The following TMEM135 variants were observed in gnomAD, a reference collection of about 807,000 sequenced individuals.
The protein encoded by TMEM135 is peroxisomal membrane protein 52.
In TMEM135, 30 loss-of-function variants were observed where a neutral mutation model predicts 60.3. That is an observed-to-expected ratio of 0.50 (90% CI 0.37 to 0.68). The LOEUF (loss-of-function observed/expected upper bound fraction) is 0.68, where lower values mean the gene tolerates loss of function less well. Ranked by LOEUF, TMEM135 falls within the 30% of genes least tolerant of loss-of-function variation. The pLI, the probability that TMEM135 is intolerant of heterozygous loss-of-function variation, is 0.00. For missense variants in TMEM135, 468 were observed against 548.8 expected, an observed-to-expected ratio of 0.85 and a Z score of 1.47; for synonymous variants, 190 against 186.7, an observed-to-expected ratio of 1.02 and a Z score of -0.14.
chr11:87,185,387 A>G, intron 5 of TMEM135, among the ~76,000 whole-genome samples: 1 of 152,084 alleles, frequency 6.6e-6, no homozygotes, highest in Middle Eastern at 3.2e-3. Flanking sequence ...TATTGAAGAA[A>G]CCAGACCGTA....
At chr11:87,195,452 G>C (rs1434750056) in intron 5 of TMEM135, among the ~76,000 whole-genome samples, 1 of 147,412 alleles carries the variant, frequency 6.8e-6, no homozygotes, top group African/African-American at 2.5e-5. Context: ...TTGAGACGGA[G>C]TTTTACTCTT....
chr11:87,073,118 C>G (rs1364876801), intron 3 of TMEM135, among the ~76,000 whole-genome samples: 1 of 152,072 alleles, frequency 6.6e-6, no homozygotes, highest in Non-Finnish European at 1.5e-5. Context: ...TCACTGAAAC[C>G]TCCTACTCCC....
chr11:87,280,245 A>G lies in TMEM135; in HGVS notation c.510-15537A>G, dbSNP rs571579873. On this transcript the variant is annotated intron_variant, in intron 6 of 14. Transcript: ENST00000305494. ...TAAACAAATAGTACCAAATGAGATTATAATTTAAAAATAAACAATGGAGTG... is the reference window on the plus strand; with the variant it reads ...TAAACAAATAGTACCAAATGAGATTGTAATTTAAAAATAAACAATGGAGTG... Among the ~76,000 whole-genome samples, 5 of 152,370 alleles carry G rather than the reference A, an allele frequency of 3.3e-5. No individual in the cohort carries two copies. In the South Asian group the frequency reaches 1.0e-3, roughly 32 times the overall value.
chr11:87,050,362 A>C (rs1330513136), intron 1 of TMEM135, among the ~76,000 whole-genome samples: 1 of 52,756 alleles, frequency 1.9e-5, no homozygotes, highest in Non-Finnish European at 3.0e-5. Context: ...CCTTCAAAAA[A>C]TCAATGAATC....
At position 87,322,861 on chromosome 11, in the gene TMEM135, T is replaced by C. The variant is rs1208101544; in HGVS notation, c.*1528T>C. 1 of 454,332 alleles carries C rather than the reference T, an allele frequency of 2.2e-6. No individual in the cohort carries two copies. Among genetic ancestry groups the C allele is most frequent in the African/African-American group, 2.0e-5 (1 of 50,006 alleles). The allele number at this position is 454,332 out of a possible 1,614,324, so 28.1% of individuals were successfully genotyped here. On this transcript the variant is annotated 3_prime_UTR_variant, in exon 15 of 15. Transcript: ENST00000305494. ...TCAAAATTTGGCATTATGATTAGCTTTGTAGAACTGACCTGTTTATTTGGC... is the reference window on the plus strand; with the variant it reads ...TCAAAATTTGGCATTATGATTAGCTCTGTAGAACTGACCTGTTTATTTGGC...
intron 6 of TMEM135, among the ~76,000 whole-genome samples, chr11:87,293,412 G>A (rs1026997330): frequency 1.4e-5 from 2 of 145,920 alleles, no homozygotes; most frequent in African/African-American, 5.1e-5. Flanking sequence ...AACAAAAAAC[G>A]AGATACATGT....
At chr11:87,257,076 G>T (rs1156247514) in intron 6 of TMEM135, among the ~76,000 whole-genome samples, 1 of 152,116 alleles carries the variant, frequency 6.6e-6, no homozygotes, top group Non-Finnish European at 1.5e-5. Context: ...TAAGAAACTG[G>T]TGATAACTCT....
chr11:87,161,711 A>G (rs1018522709), intron 5 of TMEM135, among the ~76,000 whole-genome samples: 25 of 152,134 alleles, frequency 1.6e-4, no homozygotes, highest in African/African-American at 5.3e-4. Context: ...CAGTGAGTTG[A>G]TTTGTCTATT....
intron 5 of TMEM135, among the ~76,000 whole-genome samples, chr11:87,180,879 A>G (rs1276952608): frequency 6.6e-6 from 1 of 152,198 alleles, no homozygotes; most frequent in Non-Finnish European, 1.5e-5. Context: ...GCAATATTCA[A>G]AGTCTCCCTC....
At chr11:87,245,268 C>A (rs1565500123) in intron 6 of TMEM135, among the ~76,000 whole-genome samples, 2 of 149,760 alleles carry the variant, frequency 1.3e-5, no homozygotes, top group African/African-American at 5.0e-5. Context: ...GCTTTACTTC[C>A]ACGTATGTGG....
intron 13 of TMEM135, chr11:87,318,969 A>G (rs182669081): frequency 0.024 from 4,999 of 212,554 alleles, 77 homozygotes; most frequent in South Asian, 0.035. Context: ...CCTGGGTTCA[A>G]GTGATTCTCC....
chr11:87,220,043 T>G (rs1159296064), intron 5 of TMEM135, among the ~76,000 whole-genome samples: 2 of 152,182 alleles, frequency 1.3e-5, no homozygotes, highest in East Asian at 3.8e-4. Context: ...TAGCAATACT[T>G]TAATGTTTAG....
intron 1 of TMEM135, among the ~76,000 whole-genome samples, chr11:87,040,546 C>T (rs571140431): frequency 6.6e-6 from 1 of 152,020 alleles, no homozygotes; most frequent in Non-Finnish European, 1.5e-5. Context: ...CCTGTAATCC[C>T]AGCTACTCGG....
chr11:87,285,632 G>A (rs541460634), intron 6 of TMEM135, among the ~76,000 whole-genome samples: 3 of 152,318 alleles, frequency 2.0e-5, no homozygotes, highest in African/African-American at 7.2e-5. Flanking sequence ...TTTGCAGTAA[G>A]TGTCACAGCT....
intron 7 of TMEM135, among the ~76,000 whole-genome samples, chr11:87,300,956 T>C (rs950841493): frequency 6.7e-6 from 1 of 148,150 alleles, no homozygotes; most frequent in African/African-American, 2.5e-5. Context: ...TAAGAGAAAC[T>C]GTTCTATCTG....
At chr11:87,107,050 C>T (rs1490256522) in intron 4 of TMEM135, among the ~76,000 whole-genome samples, 1 of 152,156 alleles carries the variant, frequency 6.6e-6, no homozygotes, top group Non-Finnish European at 1.5e-5. Flanking sequence ...ATGAGGGATC[C>T]AACCCCATGA....
chr11:87,312,660 A>G (rs932417612), intron 10 of TMEM135, among the ~76,000 whole-genome samples: 1 of 151,948 alleles, frequency 6.6e-6, no homozygotes, highest in Admixed American at 6.6e-5. Context: ...CACTATAATT[A>G]GAACTTGATG....
At chr11:87,247,826 G>A (rs1188749514) in intron 6 of TMEM135, among the ~76,000 whole-genome samples, 3 of 152,130 alleles carry the variant, frequency 2.0e-5, no homozygotes, top group East Asian at 1.9e-4. Context: ...GCAATGCCTC[G>A]CCCTGCTTCG....
At chr11:87,190,674 G>C (rs1424330494) in intron 5 of TMEM135, among the ~76,000 whole-genome samples, 1 of 152,166 alleles carries the variant, frequency 6.6e-6, no homozygotes, top group Non-Finnish European at 1.5e-5. Context: ...CACAGAATCA[G>C]AGCAGAAGGT....
Sources: allele counts gnomAD v4.1 joint callset (sites outside exome capture counted in the v4.1 genomes callset), GRCh38; gene constraint gnomAD v4.1.1; transcripts MANE v1.5; gene names NCBI Gene and HGNC (gene_info 2026-07-23, HGNC 2026-07-21).